FMO5: variants seen among roughly 807,000 people sequenced by gnomAD.
FMO5 encodes flavin-containing monooxygenase 5.
A neutral mutation model predicts 43.6 loss-of-function variants in FMO5; 51 were observed. The observed-to-expected ratio is 1.17, with a 90% CI of 0.93 to 1.48. The LOEUF is 1.48. FMO5 is among the 40% of genes most tolerant of loss of function. FMO5 has a pLI of 0.00. For synonymous variants in FMO5, 187 were observed against 216.5 expected, an observed-to-expected ratio of 0.86 and a Z score of 1.20; for missense variants, 644 against 643.0, an observed-to-expected ratio of 1.00 and a Z score of -0.02.
intron 6 of FMO5, chr1:147,208,444 C>CTTT (rs11374254): frequency 0.91 from 133,212 of 145,616 alleles, 61,076 homozygotes; most frequent in East Asian, 0.97. Context: ...CTTTTCTTTT[C>CTTT]TTTTTTTTTT....
chr1:147,210,061 T>C (rs1176801078), intron 5 of FMO5: 1 of 152,214 alleles, frequency 6.6e-6, no homozygotes, highest in African/African-American at 2.4e-5. Context: ...TGCTAGGTCC[T>C]TCATCTATAT....
chr1:147,198,378 G>A (rs1553920232), intron 7 of FMO5, among the ~76,000 whole-genome samples: 2 of 152,122 alleles, frequency 1.3e-5, no homozygotes, highest in African/African-American at 2.4e-5. Flanking sequence ...CAAAGGGAGG[G>A]AAGAAATATG....
intron 2 of FMO5, among the ~76,000 whole-genome samples, chr1:147,216,260 C>G (rs1366701388): frequency 6.6e-6 from 1 of 152,148 alleles, no homozygotes; most frequent in Non-Finnish European, 1.5e-5. Flanking sequence ...ATCCAACTAC[C>G]ATGAGACCAC....
At chr1:147,214,557 G>A (rs941205584) in intron 3 of FMO5, among the ~76,000 whole-genome samples, 1 of 151,698 alleles carries the variant, frequency 6.6e-6, no homozygotes, top group Non-Finnish European at 1.5e-5. Flanking sequence ...ACACAGGCTG[G>A]TGCCTCTGCC....
In FMO5 at chr1:147,215,827, T is replaced by G; in HGVS notation, c.251A>C (p.His84Pro). Reference sequence around the variant, plus strand: ...GAAATACTCCAGGACCTGGGCATTATGCATGAAGTTGGGATAATGATCTGG... The same window carrying G: ...GAAATACTCCAGGACCTGGGCATTAGGCATGAAGTTGGGATAATGATCTGG... ...PIPDHYPNFM[H>P]NAQVLEYFRM... Residue 84 changes from histidine (H) to proline (P), a missense_variant, in exon 3 of 9, where the codon CAT (histidine) becomes CCT (proline). Coordinates refer to ENST00000254090, the MANE Select transcript of FMO5 (RefSeq NM_001461.4). The G allele has an allele frequency of 6.2e-7, 1 of 1,614,010 alleles. No homozygotes were observed. Among genetic ancestry groups the G allele is most frequent in the Non-Finnish European group, 8.5e-7 (1 of 1,179,866 alleles).
At chr1:147,203,515 G>A (rs897591708) in intron 6 of FMO5, 4 of 876,156 alleles carry the variant, frequency 4.6e-6, no homozygotes, top group Admixed American at 3.4e-5. Flanking sequence ...TTGAGGTACT[G>A]CATAAAGTTT....
upstream of FMO5, chr1:147,225,595 C>T (rs1270337192): frequency 6.5e-6 from 1 of 153,882 alleles, no homozygotes; most frequent in African/African-American, 2.4e-5. Flanking sequence ...CCCCTAGCCC[C>T]GTCTGTGCTC....
rs587666913 is a variant in FMO5, at chr1:147,193,304, T to C, written c.1184-3055A>G. ...TTTCTAGTTTATTTGTGTAGAGGTGTTTATAGTATTCTCTGATGGTAGTTT... is the reference window on the plus strand; with the variant it reads ...TTTCTAGTTTATTTGTGTAGAGGTGCTTATAGTATTCTCTGATGGTAGTTT... On this transcript the variant is annotated intron_variant, in intron 7 of 8. Coordinates refer to ENST00000254090, the MANE Select transcript of FMO5 (RefSeq NM_001461.4). Among the ~76,000 whole-genome samples the C allele has an allele frequency of 2.0e-5, 3 of 152,278 alleles. No homozygotes were observed. The East Asian group carries it at 5.8e-4, about 29-fold the overall frequency.
chr1:147,193,227 T>A (rs1453395375), intron 7 of FMO5, among the ~76,000 whole-genome samples: 2 of 152,128 alleles, frequency 1.3e-5, no homozygotes, highest in African/African-American at 4.8e-5. Context: ...TTCTTCCTGG[T>A]TTAGTCTTGG....
At chr1:147,189,819 T>G (rs1222442266) in intron 8 of FMO5, among the ~76,000 whole-genome samples, 2 of 152,292 alleles carry the variant, frequency 1.3e-5, no homozygotes, top group East Asian at 1.9e-4. Context: ...TACCTCTCAT[T>G]CATTTACTGT....
At chr1:147,205,406 C>A (rs1349729474) in intron 6 of FMO5, among the ~76,000 whole-genome samples, 1 of 151,916 alleles carries the variant, frequency 6.6e-6, no homozygotes, top group East Asian at 1.9e-4. Context: ...TTGATGTGAC[C>A]CACTAAGATC....
intron 2 of FMO5, among the ~76,000 whole-genome samples, chr1:147,224,577 T>A (rs587674326): frequency 1.1e-4 from 16 of 152,208 alleles, no homozygotes; most frequent in African/African-American, 3.9e-4. Context: ...TGGGGCGATC[T>A]CGGCTCACTG....
chr1:147,220,005 A>C (rs587635661), intron 2 of FMO5, among the ~76,000 whole-genome samples: 11 of 151,864 alleles, frequency 7.2e-5, no homozygotes, highest in Admixed American at 3.3e-4. Context: ...TGCCCAGCTA[A>C]TTTTTTGTAT....
rs368270609 is a variant in FMO5 at position 147,201,204 on chromosome 1, G to A, written c.1131C>T (p.Ala377=). The A allele has an allele frequency of 2.0e-5, 33 of 1,614,016 alleles. No individual in the cohort carries two copies. Among genetic ancestry groups the A allele is most frequent in the Middle Eastern group, 1.6e-4 (1 of 6,084 alleles). ...CTTGGAGCTCTGAAATGGGCATAAT[G>A]GCTCCTAAGGGCTGAATCAAGCCTA... ...AIIGLIQPLG[A]IMPISELQGR... Residue 377 remains alanine (A), a synonymous_variant, in exon 7 of 9, where the codon GCC becomes GCT. Transcript: ENST00000254090.
chr1:147,219,850 T>C (rs1347995122), intron 2 of FMO5, among the ~76,000 whole-genome samples: 1 of 150,242 alleles, frequency 6.7e-6, no homozygotes, highest in Non-Finnish European at 1.5e-5. Flanking sequence ...CTTTTTTTTT[T>C]TTTTTTGAGA....
At chr1:147,188,384 C>T (rs1012127484) in intron 8 of FMO5, among the ~76,000 whole-genome samples, 8 of 151,554 alleles carry the variant, frequency 5.3e-5, no homozygotes, top group Non-Finnish European at 1.0e-4. Context: ...ATTAGCTGGG[C>T]GTTGTTAGTA....
chr1:147,186,298 G>C lies in FMO5; in HGVS notation c.*602C>G, dbSNP rs1655609805. Reference sequence around the variant, plus strand: ...TCTTTATTGAGAAAATAAAGACATGGTTCCTAAGGAAAAGGGCTAAAAATG... The same window carrying C: ...TCTTTATTGAGAAAATAAAGACATGCTTCCTAAGGAAAAGGGCTAAAAATG... On this transcript the variant is annotated 3_prime_UTR_variant, in exon 9 of 9. Transcript: ENST00000254090. 1 of 980,964 alleles carries C rather than the reference G, an allele frequency of 1.0e-6. No individual in the cohort carries two copies. Among genetic ancestry groups the C allele is most frequent in the Admixed American group, 6.2e-5 (1 of 16,248 alleles). The allele number at this position is 980,964 out of a possible 1,614,324, so 60.8% of individuals were successfully genotyped here.
At chr1:147,197,781 C>A (rs1553920115) in intron 7 of FMO5, among the ~76,000 whole-genome samples, 2 of 152,312 alleles carry the variant, frequency 1.3e-5, no homozygotes, top group African/African-American at 4.8e-5. Context: ...AATGGGCTAA[C>A]ACAGTCTTCC....
intron 8 of FMO5, among the ~76,000 whole-genome samples, chr1:147,188,571 CA>C (rs1656059060): frequency 7.1e-6 from 1 of 140,582 alleles, no homozygotes; most frequent in Admixed American, 7.1e-5. Flanking sequence ...GAAGGTTTCA[CA>C]AAAGAGGTTC....
Sources: allele counts gnomAD v4.1 joint callset (sites outside exome capture counted in the v4.1 genomes callset), GRCh38; gene constraint gnomAD v4.1.1; transcripts MANE v1.5; gene names NCBI Gene and HGNC (gene_info 2026-07-23, HGNC 2026-07-21).